The following HIVEP3 variants were observed in gnomAD, a reference collection of about 807,000 sequenced individuals.
The protein encoded by HIVEP3 is transcription factor HIVEP3.
HIVEP3 carries 49 observed loss-of-function variants against 152.8 expected under a neutral mutation model. The ratio of observed to expected loss-of-function variants is 0.32; its 90% CI spans 0.26 to 0.41. The LOEUF is 0.41. Ranked by LOEUF, HIVEP3 falls within the 10% of genes least tolerant of loss-of-function variation. HIVEP3 has a pLI of 1.00. For missense variants in HIVEP3, 2,790 were observed against 3,103.3 expected, an observed-to-expected ratio of 0.90 and a Z score of 2.40; for synonymous variants, 1,269 against 1,289.0, an observed-to-expected ratio of 0.98 and a Z score of 0.33.
intron 1 of HIVEP3, among the ~76,000 whole-genome samples, chr1:41,963,360 G>A (rs912557317): frequency 1.3e-5 from 2 of 152,146 alleles, no homozygotes; most frequent in East Asian, 1.9e-4. Flanking sequence ...AAATCACTCC[G>A]AGTTTTTTAT....
At chr1:41,986,777 G>C (rs141595721) in intron 1 of HIVEP3, among the ~76,000 whole-genome samples, 3 of 152,272 alleles carry the variant, frequency 2.0e-5, no homozygotes, top group African/African-American at 7.2e-5. Context: ...TTTATTAATT[G>C]CTGCCCATTT....
chr1:42,017,966 T>C (rs1645533465), intron 1 of HIVEP3, among the ~76,000 whole-genome samples: 1 of 152,162 alleles, frequency 6.6e-6, no homozygotes, highest in Non-Finnish European at 1.5e-5. Context: ...ATTTAGCCAT[T>C]CTGAAGCATA....
intron 1 of HIVEP3, among the ~76,000 whole-genome samples, chr1:41,956,630 C>T (rs570929792): frequency 1.3e-5 from 2 of 152,262 alleles, no homozygotes; most frequent in East Asian, 3.9e-4. Context: ...CCAAGATTAC[C>T]CTCTCTTTCC....
chr1:41,822,015 A>T (rs959614599), intron 1 of HIVEP3, among the ~76,000 whole-genome samples: 1 of 152,202 alleles, frequency 6.6e-6, no homozygotes, highest in African/African-American at 2.4e-5. Context: ...AGTGTCTTAA[A>T]ATCATCCTTT....
chr1:41,883,599 C>T (rs906342716), intron 1 of HIVEP3, among the ~76,000 whole-genome samples: 2 of 152,224 alleles, frequency 1.3e-5, no homozygotes, highest in Non-Finnish European at 2.9e-5. Flanking sequence ...TCACTGAAGG[C>T]TTACCTCTCC....
intron 7 of HIVEP3, 42 bp from the exon 8 acceptor site, chr1:41,513,792 T>A: frequency 2.7e-6 from 4 of 1,458,642 alleles, no homozygotes; most frequent in Non-Finnish European, 2.8e-6. Flanking sequence ...AGTTGGGCCT[T>A]GGCCCCACTG....
chr1:41,958,551 G>A (rs887786879), intron 1 of HIVEP3, among the ~76,000 whole-genome samples: 3 of 152,128 alleles, frequency 2.0e-5, no homozygotes, highest in African/African-American at 7.2e-5. Context: ...GCAGGGCCGG[G>A]GGTCACAAGC....
In HIVEP3 at chr1:41,513,207, G is replaced by A. The variant is rs1296467187; in HGVS notation, c.6014C>T (p.Ala2005Val). The change falls in exon 8 of 9, where the codon GCC (alanine) becomes GTC (valine). Residue 2005 changes from alanine to valine, a missense_variant. Coordinates refer to ENST00000372583, the MANE Select transcript of HIVEP3 (RefSeq NM_024503.5). ...QRCSPAREPQASAPSPPGLHV... is the reference protein window; with the variant it reads ...QRCSPAREPQVSAPSPPGLHV... ...CAGGCCAGGTGGGCTTGGGGCTGAG[G>A]CCTGTGGTTCTCGGGCCGGGGAGCA... 1 of 1,613,846 alleles carries A rather than the reference G, an allele frequency of 6.2e-7. No homozygotes were observed. Among genetic ancestry groups the A allele is most frequent in the South Asian group, 1.1e-5 (1 of 91,080 alleles).
At chr1:41,549,387 C>T (rs913550081) in intron 5 of HIVEP3, among the ~76,000 whole-genome samples, 1 of 152,072 alleles carries the variant, frequency 6.6e-6, no homozygotes, top group African/African-American at 2.4e-5. Flanking sequence ...GGGTATATAC[C>T]CAGTAATGGG....
At chr1:41,820,781 G>T (rs950400605) in intron 1 of HIVEP3, among the ~76,000 whole-genome samples, 4 of 152,208 alleles carry the variant, frequency 2.6e-5, no homozygotes, top group Non-Finnish European at 5.9e-5. Context: ...CACGAAGGAG[G>T]ATATTTTTAT....
chr1:41,596,767 G>C (rs1193915465), intron 3 of HIVEP3, among the ~76,000 whole-genome samples: 2 of 152,182 alleles, frequency 1.3e-5, no homozygotes, highest in African/African-American at 2.4e-5. Flanking sequence ...AACCCTGAGT[G>C]CTGGCCAACA....
intron 1 of HIVEP3, among the ~76,000 whole-genome samples, chr1:41,824,154 T>C (rs1364370560): frequency 6.6e-6 from 1 of 152,130 alleles, no homozygotes; most frequent in Non-Finnish European, 1.5e-5. Context: ...GGTGAGGAAA[T>C]GAAGACACAG....
chr1:41,793,749 T>C (rs1649829760), intron 1 of HIVEP3, among the ~76,000 whole-genome samples: 1 of 152,250 alleles, frequency 6.6e-6, no homozygotes, highest in African/African-American at 2.4e-5. Context: ...GTACTGTGAC[T>C]TGCCCAGAAG....
At chr1:41,622,097 T>C (rs1645054994) in intron 3 of HIVEP3, among the ~76,000 whole-genome samples, 1 of 152,186 alleles carries the variant, frequency 6.6e-6, no homozygotes, top group African/African-American at 2.4e-5. Flanking sequence ...ATCCTTGGGT[T>C]CAATAACAAA....
intron 1 of HIVEP3, among the ~76,000 whole-genome samples, chr1:41,986,867 A>T (rs1645326915): frequency 6.6e-6 from 1 of 152,224 alleles, no homozygotes; most frequent in Non-Finnish European, 1.5e-5. Flanking sequence ...CACGATTTTT[A>T]AAAATATGAG....
intron 2 of HIVEP3, among the ~76,000 whole-genome samples, chr1:41,631,830 G>A (rs540080729): frequency 2.0e-4 from 31 of 152,066 alleles, no homozygotes; most frequent in Non-Finnish European, 2.8e-4. Context: ...CAAAATGGCC[G>A]TGCTCTCTTC....
chr1:41,539,799 C>T (rs193009796), intron 5 of HIVEP3, among the ~76,000 whole-genome samples: 4 of 152,290 alleles, frequency 2.6e-5, no homozygotes, highest in African/African-American at 2.4e-5. Context: ...TGCTAAAAAC[C>T]GCTAAAAAAA....
At chr1:41,860,876 C>A (rs1241622866) in intron 1 of HIVEP3, among the ~76,000 whole-genome samples, 1 of 152,180 alleles carries the variant, frequency 6.6e-6, no homozygotes, top group Non-Finnish European at 1.5e-5. Context: ...AGCACACAAA[C>A]CTGAAAGCAG....
At chr1:41,697,536 A>G (rs1646294793) in intron 2 of HIVEP3, among the ~76,000 whole-genome samples, 1 of 152,176 alleles carries the variant, frequency 6.6e-6, no homozygotes, top group Admixed American at 6.5e-5. Context: ...GGGGGCACAA[A>G]AGGCACAGCA....
Sources: gnomAD v4.1 joint callset for allele counts (sites outside exome capture counted in the v4.1 genomes callset) on GRCh38, gnomAD v4.1.1 for gene constraint, MANE v1.5 for transcripts, NCBI Gene and HGNC (gene_info 2026-07-23, HGNC 2026-07-21) for gene names.